The following XKR4 variants were observed in gnomAD, a reference collection of about 807,000 sequenced individuals.
The protein encoded by XKR4 is XK-related protein 4.
Under a neutral mutation model 53.9 loss-of-function variants are expected in XKR4, and 12 were observed. The observed-to-expected ratio is 0.22, with a 90% CI of 0.14 to 0.36. The LOEUF (loss-of-function observed/expected upper bound fraction) is 0.36, where lower values mean the gene tolerates loss of function less well. XKR4 is among the 10% of genes least tolerant of loss of function. XKR4 has a pLI of 1.00. For missense variants in XKR4, 799 were observed against 859.5 expected (o/e 0.93, Z 0.88); for synonymous variants, 354 against 362.4 (o/e 0.98, Z 0.26).
chr8:55,435,427 G>A (rs947666111), intron 2 of XKR4, among the ~76,000 whole-genome samples: 35 of 152,126 alleles, frequency 2.3e-4, no homozygotes, highest in Admixed American at 1.8e-3. Flanking sequence ...ACAAAGATCA[G>A]CATAAAGGGT....
chr8:55,468,626 G>T (rs1805816660), intron 2 of XKR4, among the ~76,000 whole-genome samples: 1 of 152,002 alleles, frequency 6.6e-6, no homozygotes, highest in Non-Finnish European at 1.5e-5. Context: ...TTAAAAAGTT[G>T]GTTCAAATCT....
chr8:55,366,123 T>C (rs535527226), intron 2 of XKR4, among the ~76,000 whole-genome samples: 2 of 152,320 alleles, frequency 1.3e-5, no homozygotes, highest in Admixed American at 6.5e-5. Flanking sequence ...GATGCTGATA[T>C]GCAGAGGAAA....
chr8:55,489,477 G>A (rs563865330), intron 2 of XKR4, among the ~76,000 whole-genome samples: 5 of 152,028 alleles, frequency 3.3e-5, no homozygotes, highest in African/African-American at 7.2e-5. Flanking sequence ...TTAAAAACCC[G>A]TGGAGAGATA....
chr8:55,142,154 G>T, intron 1 of XKR4: 1 of 456,078 alleles, frequency 2.2e-6, no homozygotes, highest in Non-Finnish European at 4.4e-6. Context: ...GAGCCCACTG[G>T]CCTCACTGCT....
rs543459120 is a variant in XKR4 at position 55,102,081 on chromosome 8, C to A, written c.-408C>A. Among the ~76,000 whole-genome samples, 220 of 151,464 alleles carry A rather than the reference C, an allele frequency of 1.5e-3. No homozygotes were observed. Among genetic ancestry groups the A allele is most frequent in the African/African-American group, 4.9e-3 (201 of 41,336 alleles). ...GGAGAGGAAGCGGGAGGAGGGAGCG[C>A]GCGCGAGGGGAGGAGAGGAATGTGC... is the stretch of plus-strand genomic sequence containing the variant. On this transcript the variant is annotated 5_prime_UTR_variant, in exon 1 of 3. Transcript: ENST00000327381. The surrounding 1 kb of genome is among the most constrained non-coding windows in gnomAD (Gnocchi z 5.1).
At chr8:55,151,630 A>G (rs2129355722) in intron 1 of XKR4, among the ~76,000 whole-genome samples, 1 of 152,302 alleles carries the variant, frequency 6.6e-6, no homozygotes, top group African/African-American at 2.4e-5. Flanking sequence ...TATTTCTTGT[A>G]AACACTGAAA....
chr8:55,204,600 C>T (rs1261000538), intron 1 of XKR4, among the ~76,000 whole-genome samples: 3 of 151,680 alleles, frequency 2.0e-5, no homozygotes, highest in South Asian at 2.1e-4. Flanking sequence ...CACAAGAGGT[C>T]GTCAATAAAA....
At chr8:55,402,826 G>A (rs532282450) in intron 2 of XKR4, among the ~76,000 whole-genome samples, 10 of 152,290 alleles carry the variant, frequency 6.6e-5, no homozygotes, top group African/African-American at 2.2e-4. Context: ...GGAGCCAGAT[G>A]AATGGATATG....
intron 1 of XKR4, among the ~76,000 whole-genome samples, chr8:55,156,320 G>C (rs1444378264): frequency 6.6e-6 from 1 of 151,100 alleles, no homozygotes; most frequent in Non-Finnish European, 1.5e-5. Context: ...CAATAATTTT[G>C]AATCCAAATG....
chr8:55,328,788 T>A (rs1476750583), intron 1 of XKR4, among the ~76,000 whole-genome samples: 3 of 152,194 alleles, frequency 2.0e-5, no homozygotes, highest in Non-Finnish European at 4.4e-5. Context: ...CCCTGAATCT[T>A]CACAGGGTTG....
chr8:55,471,684 G>C (rs1805886408), intron 2 of XKR4, among the ~76,000 whole-genome samples: 1 of 152,172 alleles, frequency 6.6e-6, no homozygotes, highest in South Asian at 2.1e-4. Flanking sequence ...GTGGGGCCTG[G>C]TGGGAGGTGA....
At chr8:55,156,652 T>C (rs953618422) in intron 1 of XKR4, among the ~76,000 whole-genome samples, 8 of 152,220 alleles carry the variant, frequency 5.3e-5, no homozygotes, top group African/African-American at 1.9e-4. Flanking sequence ...GAGTGTGGGC[T>C]TGTTTTTTTT....
intron 2 of XKR4, among the ~76,000 whole-genome samples, chr8:55,497,763 TC>T (rs59614892): frequency 0.053 from 8,031 of 152,286 alleles, 599 homozygotes; most frequent in East Asian, 0.28. Context: ...CTAGCCCTTG[TC>T]CCTGCAGTCT....
intron 2 of XKR4, among the ~76,000 whole-genome samples, chr8:55,463,997 C>CA (rs989127843): frequency 5.3e-5 from 8 of 151,912 alleles, no homozygotes; most frequent in East Asian, 1.9e-4. Flanking sequence ...GCTTACCAAC[C>CA]AAAAAAAGTC....
chr8:55,176,924 A>G (rs775432932), intron 1 of XKR4, among the ~76,000 whole-genome samples: 1 of 152,058 alleles, frequency 6.6e-6, no homozygotes, highest in Non-Finnish European at 1.5e-5. Context: ...CACGAGGCAA[A>G]TTTGTGCGCA....
At chr8:55,296,444 C>T (rs1199992216) in intron 1 of XKR4, among the ~76,000 whole-genome samples, 3 of 152,110 alleles carry the variant, frequency 2.0e-5, no homozygotes, top group African/African-American at 2.4e-5. Flanking sequence ...TTCATAATTA[C>T]CTGTTAAGAT....
rs1807026156 is a variant in XKR4 at position 55,535,950 on chromosome 8, C to T, written c.*11723C>T. The T allele has an allele frequency of 6.6e-6, 1 of 152,166 alleles. No homozygotes were observed. The highest frequency in any genetic ancestry group is 2.4e-5 in the African/African-American group (1 of 41,422). 9.4% of individuals were successfully genotyped at this position (152,166 alleles called of 1,614,324 possible). A position where few individuals can be genotyped will look rare whatever the true frequency, so the allele number is the denominator to read the frequency against. On this transcript the variant is annotated 3_prime_UTR_variant, in exon 3 of 3. Transcript: ENST00000327381. ...CTCGTGGGTTCTAAGATAAGGTATT[C>T]CAAGGTATTGTAAGTTACCCTTGTT...
At chr8:55,186,863 A>G (rs1230938323) in intron 1 of XKR4, among the ~76,000 whole-genome samples, 1 of 152,188 alleles carries the variant, frequency 6.6e-6, no homozygotes, top group Non-Finnish European at 1.5e-5. Context: ...TATATTTGTA[A>G]TCAGTAATTA....
At chr8:55,107,531 A>T (rs1032398327) in intron 1 of XKR4, among the ~76,000 whole-genome samples, 2 of 152,168 alleles carry the variant, frequency 1.3e-5, no homozygotes, top group Non-Finnish European at 2.9e-5. Context: ...TAGCTCTTTG[A>T]ACTCCCAGTT....
Sources: allele counts gnomAD v4.1 joint callset (sites outside exome capture counted in the v4.1 genomes callset), GRCh38; gene constraint gnomAD v4.1.1; non-coding constraint Gnocchi (gnomAD v3.1); transcripts MANE v1.5; gene names NCBI Gene and HGNC (gene_info 2026-07-23, HGNC 2026-07-21).